The following PTPRD variants were observed in gnomAD, a reference collection of about 807,000 sequenced individuals.
PTPRD encodes receptor-type tyrosine-protein phosphatase delta.
Under a neutral mutation model 214.5 loss-of-function variants are expected in PTPRD, and 34 were observed. The observed-to-expected ratio is 0.16, with a 90% CI of 0.12 to 0.21. The LOEUF is 0.21. Ranked by LOEUF, PTPRD falls within the 10% of genes least tolerant of loss-of-function variation. The pLI, the probability that PTPRD is intolerant of heterozygous loss-of-function variation, is 1.00. For synonymous variants in PTPRD, 1,128 were observed against 845.7 expected (o/e 1.33, Z -5.79); for missense variants, 2,545 against 2,398.7 (o/e 1.06, Z -1.27).
chr9:10,251,050 C>A (rs2498607), intron 3 of PTPRD, among the ~76,000 whole-genome samples: 111,687 of 151,802 alleles, frequency 0.74, 42,415 homozygotes, highest in Non-Finnish European at 0.84. Flanking sequence ...TAGAGGGCTA[C>A]ATAGGGGTCT....
At chr9:9,612,992 G>T (rs192902992) in intron 7 of PTPRD, among the ~76,000 whole-genome samples, 87 of 151,628 alleles carry the variant, frequency 5.7e-4, no homozygotes, top group African/African-American at 2.1e-3. Flanking sequence ...TTGTACATAT[G>T]AAGCCACTGC....
intron 10 of PTPRD, among the ~76,000 whole-genome samples, chr9:9,169,364 T>A (rs1302901308): frequency 6.6e-6 from 1 of 152,124 alleles, no homozygotes; most frequent in African/African-American, 2.4e-5. Flanking sequence ...ACTTTTACAT[T>A]TTCAAAGACC....
chr9:10,102,018 C>T (rs2098556054), intron 3 of PTPRD, among the ~76,000 whole-genome samples: 1 of 151,690 alleles, frequency 6.6e-6, no homozygotes, highest in South Asian at 2.1e-4. Flanking sequence ...AAAAAGGAGG[C>T]ACATTTGTAA....
chr9:9,605,871 A>G (rs1227781581), intron 7 of PTPRD, among the ~76,000 whole-genome samples: 1 of 152,122 alleles, frequency 6.6e-6, no homozygotes. Flanking sequence ...GGAACTTGTC[A>G]TAATGAGGCT....
intron 7 of PTPRD, among the ~76,000 whole-genome samples, chr9:9,730,857 C>T (rs971145912): frequency 6.6e-6 from 1 of 152,208 alleles, no homozygotes; most frequent in Middle Eastern, 3.4e-3. Context: ...GATAAAGCAC[C>T]TAGCATTGCA....
intron 7 of PTPRD, among the ~76,000 whole-genome samples, chr9:9,604,243 T>G (rs2093995698): frequency 6.6e-6 from 1 of 152,158 alleles, no homozygotes; most frequent in South Asian, 2.1e-4. Flanking sequence ...AATGCAGAAT[T>G]AATCTGTTCA....
chr9:9,762,093 C>T (rs1259613205), intron 6 of PTPRD, among the ~76,000 whole-genome samples: 1 of 152,176 alleles, frequency 6.6e-6, no homozygotes, highest in Non-Finnish European at 1.5e-5. Context: ...GGAAACCCCA[C>T]CCTTACATCA....
At chr9:8,883,069 C>G (rs1188475629) in intron 11 of PTPRD, among the ~76,000 whole-genome samples, 1 of 152,076 alleles carries the variant, frequency 6.6e-6, no homozygotes, top group African/African-American at 2.4e-5. Flanking sequence ...AAATTCCTGT[C>G]AAATGCCTTA....
At chr9:10,488,880 G>C (rs1230586944) in intron 2 of PTPRD, among the ~76,000 whole-genome samples, 2 of 152,104 alleles carry the variant, frequency 1.3e-5, no homozygotes, top group African/African-American at 4.8e-5. Flanking sequence ...CACAGGAGAG[G>C]TCCAGAAATG....
At chr9:9,421,163 C>T (rs756033393) in intron 8 of PTPRD, among the ~76,000 whole-genome samples, 1 of 151,842 alleles carries the variant, frequency 6.6e-6, no homozygotes, top group Non-Finnish European at 1.5e-5. Context: ...ACCTCGAGAG[C>T]CATAAACAAT....
At chr9:9,283,924 T>C (rs1464949957) in intron 9 of PTPRD, among the ~76,000 whole-genome samples, 1 of 151,672 alleles carries the variant, frequency 6.6e-6, no homozygotes, top group Non-Finnish European at 1.5e-5. Flanking sequence ...TCGTTCACTA[T>C]ATTCAATCTT....
At chr9:9,902,747 G>A (rs1219721206) in intron 5 of PTPRD, among the ~76,000 whole-genome samples, 2 of 152,086 alleles carry the variant, frequency 1.3e-5, no homozygotes, top group Non-Finnish European at 2.9e-5. Flanking sequence ...TAGATACATA[G>A]ATAAAACTCA....
chr9:10,412,865 A>C (rs984179876), intron 2 of PTPRD, among the ~76,000 whole-genome samples: 1 of 151,974 alleles, frequency 6.6e-6, no homozygotes, highest in Non-Finnish European at 1.5e-5. Context: ...CAAAAGCCAC[A>C]TGATTATCTC....
At chr9:10,132,301 T>C (rs1320558552) in intron 3 of PTPRD, among the ~76,000 whole-genome samples, 1 of 152,174 alleles carries the variant, frequency 6.6e-6, no homozygotes, top group Non-Finnish European at 1.5e-5. Context: ...CATTGTTTAA[T>C]ATATCATTGA....
At chr9:9,279,810 T>C (rs192188076) in intron 9 of PTPRD, among the ~76,000 whole-genome samples, 2 of 151,402 alleles carry the variant, frequency 1.3e-5, no homozygotes, top group Non-Finnish European at 3.0e-5. Flanking sequence ...TAATATGTGT[T>C]AATGTCCAAC....
intron 2 of PTPRD, among the ~76,000 whole-genome samples, chr9:10,560,172 T>C (rs2063560121): frequency 6.6e-6 from 1 of 152,036 alleles, no homozygotes; most frequent in Non-Finnish European, 1.5e-5. Flanking sequence ...TGTCCATCAA[T>C]GATAGAATGG....
intron 11 of PTPRD, among the ~76,000 whole-genome samples, chr9:8,793,382 TG>T (rs2096297902): frequency 6.6e-6 from 1 of 152,184 alleles, no homozygotes; most frequent in African/African-American, 2.4e-5. Flanking sequence ...ACTTCCATCT[TG>T]GAAAAAGATC....
At chr9:9,993,963 G>A (rs1426503989) in intron 4 of PTPRD, among the ~76,000 whole-genome samples, 4 of 152,100 alleles carry the variant, frequency 2.6e-5, no homozygotes, top group East Asian at 3.9e-4. Flanking sequence ...TTGTAAATAT[G>A]TATAATACGT....
chr9:9,306,205 G>C (rs1957070053), intron 9 of PTPRD, among the ~76,000 whole-genome samples: 1 of 151,856 alleles, frequency 6.6e-6, no homozygotes, highest in Admixed American at 6.6e-5. Flanking sequence ...AGAAACTCTT[G>C]AATATTTAAG....
Sources: gnomAD v4.1 joint callset for allele counts (sites outside exome capture counted in the v4.1 genomes callset) on GRCh38, gnomAD v4.1.1 for gene constraint, MANE v1.5 for transcripts, NCBI Gene and HGNC (gene_info 2026-07-23, HGNC 2026-07-21) for gene names.